The following CDH2 variants were observed in gnomAD, a reference collection of about 807,000 sequenced individuals.
The protein encoded by CDH2 is cadherin 2.
CDH2 carries 17 observed loss-of-function variants against 92.0 expected under a neutral mutation model. The observed-to-expected ratio is 0.18, with a 90% confidence interval of 0.13 to 0.28. The LOEUF is 0.28. Ranked by LOEUF, CDH2 falls within the 10% of genes least tolerant of loss-of-function variation. The pLI, the probability that CDH2 is intolerant of heterozygous loss-of-function variation, is 1.00. For synonymous variants in CDH2, 419 were observed against 415.9 expected, an observed-to-expected ratio of 1.01 and a Z score of -0.09; for missense variants, 862 against 1,133.1, an observed-to-expected ratio of 0.76 and a Z score of 3.44.
In CDH2 at chr18:28,100,681, G is replaced by A. The variant is rs565907339; in HGVS notation, c.172+46992C>T. Among the ~76,000 whole-genome samples, 342 of 152,064 alleles carry A rather than the reference G, an allele frequency of 2.2e-3. 2 individuals carry two copies. Among genetic ancestry groups the A allele is most frequent in the African/African-American group, 7.0e-3 (289 of 41,362 alleles). ...TACCTGTGGTCTTCAGTCTAGCTTCGCAGATTTTTCAACCATGAAAATCCT... is the reference window on the plus strand; with the variant it reads ...TACCTGTGGTCTTCAGTCTAGCTTCACAGATTTTTCAACCATGAAAATCCT... On this transcript the variant is annotated intron_variant, in intron 2 of 15. Transcript: ENST00000269141.
At chr18:28,053,492 G>C (rs1164620225) in intron 2 of CDH2, among the ~76,000 whole-genome samples, 3 of 152,156 alleles carry the variant, frequency 2.0e-5, no homozygotes, top group Admixed American at 1.3e-4. Flanking sequence ...CATGCTAAAT[G>C]AAAGTAATGA....
chr18:28,073,036 T>C (rs922058758), intron 2 of CDH2, among the ~76,000 whole-genome samples: 1 of 152,154 alleles, frequency 6.6e-6, no homozygotes, highest in African/African-American at 2.4e-5. Context: ...ACATAGACGG[T>C]GGCACAGAAT....
chr18:28,172,575 C>G (rs982777989), intron 1 of CDH2, among the ~76,000 whole-genome samples: 2 of 152,094 alleles, frequency 1.3e-5, no homozygotes, highest in African/African-American at 4.8e-5. Flanking sequence ...TATGTTTCAA[C>G]TTAAAACTCT....
At chr18:28,069,157 C>A (rs1452332522) in intron 2 of CDH2, among the ~76,000 whole-genome samples, 1 of 152,144 alleles carries the variant, frequency 6.6e-6, no homozygotes, top group Non-Finnish European at 1.5e-5. Flanking sequence ...CATTATTTCA[C>A]AACTTGTGCA....
intron 2 of CDH2, among the ~76,000 whole-genome samples, chr18:28,128,055 C>T (rs1025818478): frequency 6.6e-6 from 1 of 152,206 alleles, no homozygotes; most frequent in African/African-American, 2.4e-5. Context: ...ACACCTCCCA[C>T]ATTCCCAGGA....
downstream of CDH2, among the ~76,000 whole-genome samples, chr18:27,947,514 G>A (rs79890023): frequency 2.1e-3 from 325 of 151,806 alleles, 2 homozygotes; most frequent in African/African-American, 7.5e-3. Context: ...AAAAAAGAAC[G>A]TAAGAAATTT....
At chr18:28,087,507 C>T (rs1445781262) in intron 2 of CDH2, among the ~76,000 whole-genome samples, 1 of 152,134 alleles carries the variant, frequency 6.6e-6, no homozygotes, top group Non-Finnish European at 1.5e-5. Context: ...ATCGTGCCGT[C>T]CTGAAATGAC....
intron 6 of CDH2, among the ~76,000 whole-genome samples, chr18:27,935,341 C>CAG (rs1370399027): frequency 6.6e-6 from 1 of 152,040 alleles, no homozygotes; most frequent in Non-Finnish European, 1.5e-5. Context: ...GAAGGAGAGA[C>CAG]AGAGAGAGAG....
intron 2 of CDH2, among the ~76,000 whole-genome samples, chr18:28,087,995 A>G (rs1169680155): frequency 6.6e-6 from 1 of 152,180 alleles, no homozygotes; most frequent in Non-Finnish European, 1.5e-5. Context: ...TTACACAGAC[A>G]AGCTCCTCAA....
intron 15 of CDH2, chr18:27,959,580 C>T (rs1472815561): frequency 6.6e-6 from 1 of 152,148 alleles, no homozygotes; most frequent in African/African-American, 2.4e-5. Flanking sequence ...TAAATGAAGA[C>T]ACTGAACAAG....
At chr18:27,942,045 T>A (rs2143835532) in intron 6 of CDH2, among the ~76,000 whole-genome samples, 1 of 152,334 alleles carries the variant, frequency 6.6e-6, no homozygotes, top group African/African-American at 2.4e-5. Flanking sequence ...ATGCTGCTTT[T>A]AATAATGGTA....
At chr18:28,148,207 T>G (rs532361332) in intron 1 of CDH2, among the ~76,000 whole-genome samples, 1 of 152,292 alleles carries the variant, frequency 6.6e-6, no homozygotes, top group South Asian at 2.1e-4. Context: ...TTAGCTAATT[T>G]TCTATAAAAC....
intron 2 of CDH2, among the ~76,000 whole-genome samples, chr18:28,139,449 T>C (rs1426536752): frequency 2.0e-5 from 3 of 152,032 alleles, no homozygotes; most frequent in Non-Finnish European, 4.4e-5. Context: ...GTATCCAAAC[T>C]GAGTTTCCAG....
intron 1 of CDH2, among the ~76,000 whole-genome samples, chr18:28,160,161 T>TA (rs143094405): frequency 0.023 from 3,206 of 141,578 alleles, 63 homozygotes; most frequent in African/African-American, 0.047. Flanking sequence ...GAGAAAAAAA[T>TA]AAAAAAAAAA....
intron 2 of CDH2, among the ~76,000 whole-genome samples, chr18:28,114,665 T>TGTTCACTCACATATCAA (rs2015466409): frequency 6.6e-6 from 1 of 152,082 alleles, no homozygotes; most frequent in African/African-American, 2.4e-5. Context: ...CATATCAAGC[T>TGTTCACTCACATATCAA]GTAGTTCAAA....
chr18:28,142,052 C>T (rs2015962412), intron 2 of CDH2, among the ~76,000 whole-genome samples: 1 of 152,024 alleles, frequency 6.6e-6, no homozygotes, highest in South Asian at 2.1e-4. Context: ...GCATTTATCA[C>T]CATCTATCAT....
downstream of CDH2, among the ~76,000 whole-genome samples, chr18:27,946,844 G>A (rs1317667455): frequency 6.6e-6 from 1 of 151,854 alleles, no homozygotes; most frequent in Non-Finnish European, 1.5e-5. Flanking sequence ...AAATCTAATG[G>A]CATTAATGAT....
chr18:28,159,558 T>C (rs1229639581), intron 1 of CDH2, among the ~76,000 whole-genome samples: 1 of 151,528 alleles, frequency 6.6e-6, no homozygotes, highest in African/African-American at 2.4e-5. Flanking sequence ...TCTTGAGAAA[T>C]AAAAAAGGAG....
intron 2 of CDH2, among the ~76,000 whole-genome samples, chr18:28,022,533 G>A (rs1249977909): frequency 6.6e-6 from 1 of 151,906 alleles, no homozygotes; most frequent in East Asian, 1.9e-4. Flanking sequence ...AGAGTTAGTG[G>A]GAGTAAAGGG....
Sources: gnomAD v4.1 joint callset for allele counts (sites outside exome capture counted in the v4.1 genomes callset) on GRCh38, gnomAD v4.1.1 for gene constraint, MANE v1.5 for transcripts, NCBI Gene and HGNC (gene_info 2026-07-23, HGNC 2026-07-21) for gene names.